REEP1: variants seen among roughly 807,000 people sequenced by gnomAD.
REEP1 encodes the protein receptor expression-enhancing protein 1.
REEP1 carries 22 observed loss-of-function variants against 40.3 expected under a neutral mutation model. That is an observed-to-expected ratio of 0.55 (90% CI 0.39 to 0.78). The LOEUF (loss-of-function observed/expected upper bound fraction) is 0.78. Among genes scored for constraint, REEP1 ranks in the 30% least tolerant of loss-of-function variants. The probability of loss-of-function intolerance (pLI) is 0.00; values close to 1 mark genes in which losing one functional copy is unlikely to be tolerated. For missense variants in REEP1, 280 were observed against 361.1 expected, an observed-to-expected ratio of 0.78 and a Z score of 1.82; for synonymous variants, 116 against 139.2, an observed-to-expected ratio of 0.83 and a Z score of 1.17.
intron 1 of REEP1, among the ~76,000 whole-genome samples, chr2:86,287,784 T>G (rs1558916281): frequency 6.6e-6 from 1 of 152,138 alleles, no homozygotes; most frequent in Non-Finnish European, 1.5e-5. Context: ...CTTTTCCTCC[T>G]CCCCAAAACT....
At chr2:86,230,960 AT>A (rs1263011589) in intron 6 of REEP1, among the ~76,000 whole-genome samples, 1 of 152,112 alleles carries the variant, frequency 6.6e-6, no homozygotes, top group East Asian at 1.9e-4. Context: ...CAGTGTGGAG[AT>A]GAGACTTAAC....
At position 86,308,308 on chromosome 2, in the gene REEP1, T is replaced by C. The variant is rs1224513617; in HGVS notation, c.33-26066A>G. Among the ~76,000 whole-genome samples the C allele has an allele frequency of 2.6e-5, 4 of 152,296 alleles. No homozygotes were observed. In the East Asian group the frequency reaches 7.7e-4, roughly 29 times the overall value. ...TGATGTGTGAATGGCACTTTTAATA[T>C]GACAGAACACAGACCATGTTTTAAA... On this transcript the variant is annotated intron_variant, in intron 1 of 8. Transcript: ENST00000538924.
intron 1 of REEP1, among the ~76,000 whole-genome samples, chr2:86,284,907 C>T (rs186321796): frequency 5.9e-5 from 9 of 152,320 alleles, no homozygotes; most frequent in Admixed American, 5.2e-4. Flanking sequence ...CACAAGTTTG[C>T]TTTTCGGTTT....
intron 3 of REEP1, 34 bp downstream of exon 3, chr2:86,263,931 T>G: frequency 6.5e-7 from 1 of 1,547,588 alleles, no homozygotes. Context: ...AGCAAAATTG[T>G]CCTTAGAAAC....
chr2:86,313,981 G>A (rs1335309840), intron 1 of REEP1, among the ~76,000 whole-genome samples: 3 of 152,246 alleles, frequency 2.0e-5, no homozygotes, highest in Non-Finnish European at 4.4e-5. Context: ...GCAACATGCA[G>A]GCTGATTTCA....
chr2:86,275,310 G>A (rs1402120330), intron 2 of REEP1, among the ~76,000 whole-genome samples: 2 of 151,898 alleles, frequency 1.3e-5, no homozygotes, highest in Non-Finnish European at 2.9e-5. Flanking sequence ...CTAAGTTAAT[G>A]TTCACGCACT....
intron 1 of REEP1, among the ~76,000 whole-genome samples, chr2:86,302,258 G>A (rs1385649909): frequency 6.6e-6 from 1 of 152,248 alleles, no homozygotes; most frequent in Non-Finnish European, 1.5e-5. Flanking sequence ...CCAGCCTCTA[G>A]GGCTGCAATG....
At position 86,249,618 on chromosome 2, in the gene REEP1, TA is replaced by T. The variant is rs538731885; in HGVS notation, c.417+2338del. 2.0e-3 allele frequency among the ~76,000 whole-genome samples: 298 copies of T among 149,164 alleles called. 1 individual carries two copies. Among genetic ancestry groups the T allele is most frequent in the African/African-American group, 6.9e-3 (282 of 40,696 alleles). Reference sequence around the variant, plus strand: ...TGATTCAGCACATCTGAGAATCTATTAAAAAAAAAATAAAAAGCAAAGCTCT... The same window carrying T: ...TGATTCAGCACATCTGAGAATCTATTAAAAAAAAATAAAAAGCAAAGCTCT... On this transcript the variant is annotated intron_variant, in intron 5 of 8. Coordinates refer to ENST00000538924, the MANE Select transcript of REEP1 (RefSeq NM_001371279.1).
At chr2:86,282,091 G>A (rs1199150853) in intron 2 of REEP1, 79 bp downstream of exon 2, 1 of 942,112 alleles carries the variant, frequency 1.1e-6, no homozygotes, top group African/African-American at 1.6e-5. Context: ...CCATAGCACG[G>A]AGGGCATCCC....
chr2:86,263,908 C>T, intron 3 of REEP1, 57 bp downstream of exon 3: 3 of 1,351,422 alleles, frequency 2.2e-6, no homozygotes, highest in Non-Finnish European at 3.2e-6. Context: ...CCACCTCCCC[C>T]TGAGTGACAC....
chr2:86,241,294 G>A (rs1025865332), intron 5 of REEP1, among the ~76,000 whole-genome samples: 7 of 152,368 alleles, frequency 4.6e-5, no homozygotes, highest in South Asian at 2.1e-4. Flanking sequence ...CTGCCCAGCC[G>A]CTGGTGCAAA....
At position 86,232,614 on chromosome 2, in the gene REEP1, G is replaced by A. The variant is rs1300957985; in HGVS notation, c.595+11C>T. The A allele has an allele frequency of 1.2e-6, 2 of 1,612,088 alleles. No individual in the cohort carries two copies. The highest frequency in any genetic ancestry group is 1.7e-5 in the Admixed American group (1 of 60,028). ...AGGAGTGGGAAAGAGGGGAAGTAAA[G>A]TGACACCTACCTGAGCTGCTAGCGC... On this transcript the variant is annotated intron_variant, in intron 6 of 8. Transcript: ENST00000538924.
At chr2:86,269,529 C>G (rs1234208945) in intron 2 of REEP1, among the ~76,000 whole-genome samples, 1 of 152,190 alleles carries the variant, frequency 6.6e-6, no homozygotes, top group Non-Finnish European at 1.5e-5. Flanking sequence ...GGAATTCTAA[C>G]TAAGCCAAAG....
chr2:86,263,845 T>C, intron 3 of REEP1, 120 bp downstream of exon 3: 1 of 765,262 alleles, frequency 1.3e-6, no homozygotes, highest in Non-Finnish European at 2.4e-6. Context: ...TTAACATCCC[T>C]GCTCTTGCGT....
At position 86,215,241 on chromosome 2, in the gene REEP1, A is replaced by G. The variant is rs1674045398; in HGVS notation, c.*1798T>C. Reference sequence around the variant, plus strand: ...GCTTCTGTTTATCCTCTCAGCCACAAATTCGCTTTTAGGTATATTTTCCTA... The same window carrying G: ...GCTTCTGTTTATCCTCTCAGCCACAGATTCGCTTTTAGGTATATTTTCCTA... On this transcript the variant is annotated 3_prime_UTR_variant, in exon 9 of 9. Coordinates refer to ENST00000538924, the MANE Select transcript of REEP1 (RefSeq NM_001371279.1). The G allele has an allele frequency of 6.6e-6, 1 of 152,188 alleles. No homozygotes were observed. The highest frequency in any genetic ancestry group is 1.5e-5 in the Non-Finnish European group (1 of 68,030). The allele number at this position is 152,188 out of a possible 1,614,324, so 9.4% of individuals were successfully genotyped here.
chr2:86,298,376 G>GCCATCACAC (rs1187077670), intron 1 of REEP1, among the ~76,000 whole-genome samples: 6 of 152,204 alleles, frequency 3.9e-5, no homozygotes, highest in Non-Finnish European at 1.5e-5. Flanking sequence ...GTAATCTTAG[G>GCCATCACAC]CCATCACACC....
chr2:86,335,722 G>C (rs931288532), intron 1 of REEP1, among the ~76,000 whole-genome samples: 1 of 151,906 alleles, frequency 6.6e-6, no homozygotes, highest in Non-Finnish European at 1.5e-5. Flanking sequence ...GGTGGCAGGC[G>C]CTTGTAATCC....
At chr2:86,328,994 C>T (rs891171040) in intron 1 of REEP1, among the ~76,000 whole-genome samples, 3 of 152,156 alleles carry the variant, frequency 2.0e-5, no homozygotes, top group Non-Finnish European at 4.4e-5. Context: ...AGGAAGAACC[C>T]GGCATCCTGG....
At chr2:86,288,097 A>C (rs920754387) in intron 1 of REEP1, among the ~76,000 whole-genome samples, 2 of 151,140 alleles carry the variant, frequency 1.3e-5, no homozygotes, top group African/African-American at 2.5e-5. Context: ...ATCTCAGCTC[A>C]CTACAACCTC....
Sources: gnomAD v4.1 joint callset for allele counts (sites outside exome capture counted in the v4.1 genomes callset) on GRCh38, gnomAD v4.1.1 for gene constraint, MANE v1.5 for transcripts, NCBI Gene and HGNC (gene_info 2026-07-23, HGNC 2026-07-21) for gene names.